Variants in DLGAP1 observed in about 807,000 individuals in gnomAD.
DLGAP1 encodes disks large-associated protein 1.
Under a neutral mutation model 90.8 loss-of-function variants are expected in DLGAP1, and 11 were observed. The observed-to-expected ratio is 0.12, with a 90% CI of 0.08 to 0.20. The LOEUF (loss-of-function observed/expected upper bound fraction) is 0.20. Among genes scored for constraint, DLGAP1 ranks in the 10% least tolerant of loss-of-function variants. The pLI, the probability that DLGAP1 is intolerant of heterozygous loss-of-function variation, is 1.00. For synonymous variants in DLGAP1, 558 were observed against 540.7 expected, an observed-to-expected ratio of 1.03 and a Z score of -0.44; for missense variants, 1,050 against 1,333.8, an observed-to-expected ratio of 0.79 and a Z score of 3.31.
intron 7 of DLGAP1, among the ~76,000 whole-genome samples, chr18:3,605,803 C>T (rs1423714484): frequency 1.5e-5 from 2 of 136,326 alleles, no homozygotes; most frequent in Admixed American, 7.6e-5. Flanking sequence ...TCCAAGGTCA[C>T]GGAGCTTTTT....
intron 1 of DLGAP1, among the ~76,000 whole-genome samples, chr18:4,199,127 A>G (rs538947805): frequency 4.2e-4 from 64 of 152,330 alleles, no homozygotes; most frequent in Non-Finnish European, 8.8e-4. Flanking sequence ...ATTGGAAAAG[A>G]GCGGAACATC....
At chr18:3,693,463 C>T (rs984689220) in intron 7 of DLGAP1, among the ~76,000 whole-genome samples, 1 of 152,138 alleles carries the variant, frequency 6.6e-6, no homozygotes, top group Non-Finnish European at 1.5e-5. Flanking sequence ...TGAAGAAATG[C>T]AAAATATTTA....
intron 3 of DLGAP1, among the ~76,000 whole-genome samples, chr18:3,905,010 C>A (rs964558231): frequency 2.6e-5 from 4 of 151,274 alleles, no homozygotes; most frequent in African/African-American, 9.7e-5. Flanking sequence ...ATTTTAATAT[C>A]TATTCCATTT....
At chr18:4,072,360 A>G (rs1228152101) in intron 2 of DLGAP1, among the ~76,000 whole-genome samples, 8 of 152,066 alleles carry the variant, frequency 5.3e-5, no homozygotes, top group African/African-American at 1.7e-4. Flanking sequence ...TAAATAGTCA[A>G]TGTATCAGTC....
intron 7 of DLGAP1, among the ~76,000 whole-genome samples, chr18:3,602,615 A>AC (rs1251677696): frequency 1.3e-4 from 20 of 151,282 alleles, no homozygotes; most frequent in Non-Finnish European, 3.0e-4. Flanking sequence ...AAAAAAAAAA[A>AC]ACAAAGAAAC....
chr18:3,635,167 T>C (rs188585944), intron 7 of DLGAP1, among the ~76,000 whole-genome samples: 2 of 151,378 alleles, frequency 1.3e-5, no homozygotes, highest in East Asian at 1.9e-4. Context: ...GTCTCGCTCT[T>C]TCACCCAGGC....
chr18:3,510,070 T>C (rs2050455957), intron 10 of DLGAP1, among the ~76,000 whole-genome samples: 3 of 151,562 alleles, frequency 2.0e-5, no homozygotes, highest in Non-Finnish European at 4.4e-5. Flanking sequence ...TTAAAATCTC[T>C]TGGGATGGTT....
intron 10 of DLGAP1, among the ~76,000 whole-genome samples, chr18:3,518,819 A>G (rs2050997766): frequency 6.6e-6 from 1 of 152,196 alleles, no homozygotes; most frequent in Non-Finnish European, 1.5e-5. Flanking sequence ...TTGGGCATTT[A>G]CCTAAAAGGT....
rs115154312 is a variant in DLGAP1, at chr18:3,530,289, G to C, written c.2479+3905C>G. ...AGGCATGGTGGTGCACACCTGTAGT[G>C]ACAGCTCCTCATGAGGCTGAGGTGG... On this transcript the variant is annotated intron_variant, in intron 10 of 12. Transcript: ENST00000315677. 8.9e-3 allele frequency among the ~76,000 whole-genome samples: 1,357 copies of C among 152,168 alleles called. 21 individuals are homozygous for C. The highest frequency in any genetic ancestry group is 0.031 in the African/African-American group (1,269 of 41,512).
chr18:4,396,601 G>T (rs2082447629), intron 1 of DLGAP1, among the ~76,000 whole-genome samples: 1 of 152,158 alleles, frequency 6.6e-6, no homozygotes, highest in Admixed American at 6.5e-5. Context: ...CTGAGAGGAA[G>T]CCACATGTTC....
chr18:4,410,914 G>GTT (rs1340015445), intron 1 of DLGAP1, among the ~76,000 whole-genome samples: 1 of 152,162 alleles, frequency 6.6e-6, no homozygotes, highest in Non-Finnish European at 1.5e-5. Flanking sequence ...AGCTCCAGGA[G>GTT]TTTTGCCTGC....
At chr18:3,538,020 T>C (rs1162623845) in intron 9 of DLGAP1, among the ~76,000 whole-genome samples, 1 of 152,222 alleles carries the variant, frequency 6.6e-6, no homozygotes, top group Non-Finnish European at 1.5e-5. Flanking sequence ...GACTATGCTC[T>C]TGAAGCCAAT....
chr18:3,689,974 A>G (rs2060834165), intron 7 of DLGAP1, among the ~76,000 whole-genome samples: 1 of 150,288 alleles, frequency 6.7e-6, no homozygotes, highest in African/African-American at 2.5e-5. Context: ...CCTGGCATAT[A>G]GTTTGGAAAG....
At chr18:4,138,623 T>G (rs2144284579) in intron 2 of DLGAP1, among the ~76,000 whole-genome samples, 1 of 152,196 alleles carries the variant, frequency 6.6e-6, no homozygotes, top group East Asian at 1.9e-4. Context: ...CCTTGTCTGG[T>G]TTTGGTATCA....
At chr18:4,075,321 T>G (rs187474042) in intron 2 of DLGAP1, among the ~76,000 whole-genome samples, 41 of 152,324 alleles carry the variant, frequency 2.7e-4, no homozygotes, top group African/African-American at 8.7e-4. Context: ...TGGGTCAACC[T>G]TTCTCTACAG....
intron 3 of DLGAP1, among the ~76,000 whole-genome samples, chr18:3,889,279 G>A (rs1341414223): frequency 6.6e-6 from 1 of 152,092 alleles, no homozygotes; most frequent in Non-Finnish European, 1.5e-5. Flanking sequence ...AACTTGAAAA[G>A]GAGCAGTGGA....
chr18:4,147,849 C>T (rs910279715), intron 2 of DLGAP1, among the ~76,000 whole-genome samples: 22 of 152,110 alleles, frequency 1.4e-4, no homozygotes, highest in African/African-American at 1.7e-4. Flanking sequence ...CAAACTGTAA[C>T]GCAGAAATTG....
intron 3 of DLGAP1, among the ~76,000 whole-genome samples, chr18:3,911,548 G>C (rs1568295820): frequency 6.6e-6 from 1 of 152,146 alleles, no homozygotes; most frequent in Admixed American, 6.5e-5. Context: ...TTTTCAAGTT[G>C]TTCAGTGACT....
chr18:3,645,190 C>T (rs966422830), intron 7 of DLGAP1, among the ~76,000 whole-genome samples: 1 of 152,012 alleles, frequency 6.6e-6, no homozygotes, highest in Non-Finnish European at 1.5e-5. Context: ...CCTCGACTTC[C>T]CAGGTGAGAG....
Sources: gnomAD v4.1 joint callset for allele counts (sites outside exome capture counted in the v4.1 genomes callset) on GRCh38, gnomAD v4.1.1 for gene constraint, MANE v1.5 for transcripts, NCBI Gene and HGNC (gene_info 2026-07-23, HGNC 2026-07-21) for gene names.